The following TTLL10 variants were observed in gnomAD, a reference collection of about 807,000 sequenced individuals.
TTLL10 encodes the protein tubulin tyrosine ligase like 10, also known as inactive polyglycylase TTLL10.
A neutral mutation model predicts 69.0 loss-of-function variants in TTLL10; 61 were observed. The ratio of observed to expected loss-of-function variants is 0.88; its 90% CI spans 0.72 to 1.09. The LOEUF (loss-of-function observed/expected upper bound fraction) is 1.09. Ranked by LOEUF, TTLL10 falls within the 50% of genes least tolerant of loss-of-function variation. The pLI is 0.00. For synonymous variants in TTLL10, 408 were observed against 393.3 expected (o/e 1.04, Z -0.44); for missense variants, 962 against 945.9 (o/e 1.02, Z -0.22).
At chr1:1,183,625 C>T (rs574694706) in intron 11 of TTLL10, among the ~76,000 whole-genome samples, 169 of 152,352 alleles carry the variant, frequency 1.1e-3, no homozygotes, top group Non-Finnish European at 1.8e-3. Flanking sequence ...GCCTAGCGCC[C>T]GCCTGGCGCG....
At chr1:1,180,652 C>T (rs374121486) in intron 7 of TTLL10, 51 bp downstream of exon 7, 30 of 1,555,002 alleles carry the variant, frequency 1.9e-5, no homozygotes, top group Middle Eastern at 1.7e-4. Context: ...CCTCCTGGGC[C>T]GGAGCACAGG....
chr1:1,194,903 T>A (rs902145295), intron 13 of TTLL10, among the ~76,000 whole-genome samples: 1 of 152,248 alleles, frequency 6.6e-6, no homozygotes, highest in Non-Finnish European at 1.5e-5. Context: ...CTTCTCTCCT[T>A]CTGGGACTCC....
intron 13 of TTLL10, among the ~76,000 whole-genome samples, chr1:1,192,377 T>C (rs1647862303): frequency 6.6e-6 from 1 of 152,250 alleles, no homozygotes; most frequent in African/African-American, 2.4e-5. Context: ...GTGTAGACAC[T>C]CCAGTTGGTA....
chr1:1,197,182 C>T lies in TTLL10; in HGVS notation c.1608C>T (p.Thr536=). 6.5e-7 allele frequency: 1 copy of T among 1,549,750 alleles called. No individual in the cohort carries two copies. Among genetic ancestry groups the T allele is most frequent in the Non-Finnish European group, 8.7e-7 (1 of 1,146,606 alleles). Residue 536 remains threonine (T), a synonymous_variant, in exon 15 of 16, where the codon ACC becomes ACT. Transcript: ENST00000379289. ...KEVIPGVVIE[T]LDLVLETFRK... ...TCATCCCAGGTGTGGTCATCGAGAC[C>T]CTGGGTGAGCCTCCAAGCCCCCACC...
chr1:1,192,499 C>T (rs1647878064), intron 13 of TTLL10, among the ~76,000 whole-genome samples: 1 of 151,882 alleles, frequency 6.6e-6, no homozygotes, highest in Non-Finnish European at 1.5e-5. Flanking sequence ...GTAGACACTC[C>T]AGTTGATATC....
In TTLL10 at chr1:1,182,937, C is replaced by T. The variant is rs1647120387; in HGVS notation, c.978C>T (p.Leu326=). ...ACCAGGGCAAAGGCATCTTCCTGCT[C>T]CGGAACCAGGAGGAAGTTGCCGCCC... ...ASNQGKGIFL[L]RNQEEVAALQ... Residue 326 remains leucine (L), a synonymous_variant, in exon 11 of 16, where the codon CTC becomes CTT. Coordinates refer to ENST00000379289, the MANE Select transcript of TTLL10 (RefSeq NM_001130045.2). 6.3e-7 allele frequency: 1 copy of T among 1,599,978 alleles called. No homozygotes were observed. The highest frequency in any genetic ancestry group is 2.3e-5 in the East Asian group (1 of 44,110).
At chr1:1,179,577 G>A in intron 4 of TTLL10, 80 bp from the exon 5 acceptor site, 2 of 1,538,278 alleles carry the variant, frequency 1.3e-6, no homozygotes, top group Non-Finnish European at 1.8e-6. Flanking sequence ...TGGAAGGGCA[G>A]CCCCTCGTCT....
chr1:1,196,887 T>C (rs1648252172), intron 14 of TTLL10, among the ~76,000 whole-genome samples, 171 bp downstream of exon 14: 1 of 151,992 alleles, frequency 6.6e-6, no homozygotes, highest in Admixed American at 6.5e-5. Flanking sequence ...CCTGTGCAGC[T>C]AGGATGGAAC....
At chr1:1,179,503 T>C (rs2100857941) in intron 4 of TTLL10, 154 bp from the exon 5 acceptor site, 1 of 1,349,766 alleles carries the variant, frequency 7.4e-7, no homozygotes, top group South Asian at 1.4e-5. Flanking sequence ...CGCCGGGCTC[T>C]GCAGGCACAG....
Position 1,173,933 on chromosome 1 carries a change from AGCGCCGGCG to A in TTLL10, c.-131+10_-131+18del, listed in dbSNP as rs1646808236. On this transcript the variant is annotated splice_region_variant and intron_variant, in intron 1 of 15. Transcript: ENST00000379289. The surrounding 1 kb of genome is among the most constrained non-coding windows in gnomAD (Gnocchi z 4.1). ...GACCTTGTGGGCTGGGCAGGTAAGA[AGCGCCGGCG>A]GCCACCAGCTGGGGTCCAGTGGGCT... is the stretch of plus-strand genomic sequence containing the variant. 1.3e-5 allele frequency: 2 copies of A among 152,212 alleles called. No individual in the cohort carries two copies. Among genetic ancestry groups the A allele is most frequent in the Admixed American group, 1.3e-4 (2 of 15,282 alleles). The allele number at this position is 152,212 out of a possible 1,614,324, so 9.4% of individuals were successfully genotyped here. A position where few individuals can be genotyped will look rare whatever the true frequency, so the allele number is the denominator to read the frequency against.
In TTLL10 at chr1:1,181,106, T is replaced by C. The variant is rs1647054037; in HGVS notation, c.755+246T>C. On this transcript the variant is annotated intron_variant, in intron 8 of 15. Coordinates refer to ENST00000379289, the MANE Select transcript of TTLL10 (RefSeq NM_001130045.2). The surrounding 1 kb of genome is among the most constrained non-coding windows in gnomAD (Gnocchi z 4.6). ...AGCACCTGCCTCCACCTTCCACCTG[T>C]CCTTTAAAGGGCCAAACCCCTGTCC... 6.7e-6 allele frequency among the ~76,000 whole-genome samples: 1 copy of C among 148,660 alleles called. No homozygotes were observed.
intron 13 of TTLL10, among the ~76,000 whole-genome samples, chr1:1,189,876 G>A (rs571797366): frequency 6.6e-6 from 1 of 152,220 alleles, no homozygotes; most frequent in East Asian, 1.9e-4. Flanking sequence ...ACTTTGGGAG[G>A]CCGAGGAAGG....
intron 12 of TTLL10, among the ~76,000 whole-genome samples, chr1:1,184,598 G>C (rs1647194741): frequency 6.6e-6 from 1 of 152,228 alleles, no homozygotes; most frequent in South Asian, 2.1e-4. Flanking sequence ...AGGCAGGTCA[G>C]GGTGGGGCCG....
chr1:1,185,158 G>C lies in TTLL10; in HGVS notation c.1401+49G>C, dbSNP rs775856357. 20 of 1,594,914 alleles carry C rather than the reference G, an allele frequency of 1.3e-5. No homozygotes were observed. The East Asian group carries it at 4.5e-4, about 36-fold the overall frequency. Reference sequence around the variant, plus strand: ...CTGGGAGTGAGATCCCTCGGGGCGGGGGTGTGTGGTCAGGCTGGGCACCAG... The same window carrying C: ...CTGGGAGTGAGATCCCTCGGGGCGGCGGTGTGTGGTCAGGCTGGGCACCAG... On this transcript the variant is annotated intron_variant, in intron 13 of 15. Transcript: ENST00000379289. This position sits in a 1 kb window ranked among gnomAD's most constrained non-coding sequence, Gnocchi z 6.1.
At chr1:1,184,619 G>T (rs1203540501) in intron 12 of TTLL10, among the ~76,000 whole-genome samples, 1 of 152,194 alleles carries the variant, frequency 6.6e-6, no homozygotes, top group Non-Finnish European at 1.5e-5. Flanking sequence ...GGGGAGCAAG[G>T]TTAGGGGCGG....
At chr1:1,193,747 G>A (rs1251543417) in intron 13 of TTLL10, among the ~76,000 whole-genome samples, 2 of 152,208 alleles carry the variant, frequency 1.3e-5, no homozygotes, top group African/African-American at 4.8e-5. Context: ...TTACAGGCGT[G>A]AGCCACCACG....
chr1:1,189,726 T>TTTA (rs1302161322), intron 13 of TTLL10, among the ~76,000 whole-genome samples: 2 of 152,100 alleles, frequency 1.3e-5, no homozygotes, highest in Non-Finnish European at 2.9e-5. Flanking sequence ...TGTGGGAAAG[T>TTTA]TTATTATTAT....
At chr1:1,182,799 A>AGGGTC (rs1178804525) in intron 10 of TTLL10, 77 bp from the exon 11 acceptor site, 316 of 1,470,794 alleles carry the variant, frequency 2.1e-4, no homozygotes, top group Non-Finnish European at 2.7e-4. Context: ...CCTGGAGGGG[A>AGGGTC]GGGTCCTGGT....
rs949537060 is a variant in TTLL10 at position 1,183,437 on chromosome 1, C to T, written c.1088+390C>T. On this transcript the variant is annotated intron_variant, in intron 11 of 15. Transcript: ENST00000379289. ...TGGGAAGGCTTCCTCCAGAAAGCCC[C>T]GTGGCTGCACGAGGCTGAAGGTTTA... is the stretch of plus-strand genomic sequence containing the variant. Among the ~76,000 whole-genome samples, 13 of 152,166 alleles carry T rather than the reference C, an allele frequency of 8.5e-5. No homozygotes were observed. The East Asian group carries it at 1.5e-3, about 18-fold the overall frequency.
Sources: gnomAD v4.1 joint callset for allele counts (sites outside exome capture counted in the v4.1 genomes callset) on GRCh38, gnomAD v4.1.1 for gene constraint, Gnocchi (gnomAD v3.1) non-coding constraint, MANE v1.5 for transcripts, NCBI Gene and HGNC (gene_info 2026-07-23, HGNC 2026-07-21) for gene names.